CD3E: variants seen among roughly 807,000 people sequenced by gnomAD.
The protein encoded by CD3E is T-cell surface glycoprotein CD3 epsilon chain.
Under a neutral mutation model 34.7 loss-of-function variants are expected in CD3E, and 16 were observed. That is an observed-to-expected ratio of 0.46 (90% CI 0.31 to 0.70). The LOEUF (loss-of-function observed/expected upper bound fraction) is 0.70. Ranked by LOEUF, CD3E falls within the 30% of genes least tolerant of loss-of-function variation. The pLI is 0.05. For synonymous variants in CD3E, 70 were observed against 90.8 expected, an observed-to-expected ratio of 0.77 and a Z score of 1.30; for missense variants, 223 against 253.9, an observed-to-expected ratio of 0.88 and a Z score of 0.83.
chr11:118,315,685 C>T lies in CD3E; in HGVS notation c.*143C>T. On this transcript the variant is annotated 3_prime_UTR_variant, in exon 9 of 9. Coordinates refer to ENST00000361763, the MANE Select transcript of CD3E (RefSeq NM_000733.4). The stretch of plus-strand genomic sequence containing the variant: ...GTGAACTCGCGCCCTCCAGCCTGAT[C>T]CCCCGCTCCCTCCTCCCTGCCTTCT... The T allele has an allele frequency of 1.4e-6, 1 of 723,514 alleles. No homozygotes were observed. Among genetic ancestry groups the T allele is most frequent in the East Asian group, 2.7e-5 (1 of 37,172 alleles). The allele number at this position is 723,514 out of a possible 1,614,324, so 44.8% of individuals were successfully genotyped here.
intron 7 of CD3E, 63 bp downstream of exon 7, chr11:118,313,937 G>A (rs1591269612): frequency 3.2e-6 from 5 of 1,572,266 alleles, no homozygotes; most frequent in Admixed American, 3.5e-5. Flanking sequence ...CCTGGGCCAG[G>A]GTGGGTGGCA....
At chr11:118,309,576 A>AAAACAAAC (rs56791413) in intron 4 of CD3E, among the ~76,000 whole-genome samples, 47,399 of 151,388 alleles carry the variant, frequency 0.31, 7,733 homozygotes, top group East Asian at 0.52. Flanking sequence ...ACTCTGTCTC[A>AAAACAAAC]AAACAAACAA....
intron 4 of CD3E, among the ~76,000 whole-genome samples, chr11:118,311,888 G>A (rs1948137255): frequency 1.3e-5 from 2 of 152,192 alleles, no homozygotes; most frequent in Non-Finnish European, 2.9e-5. Flanking sequence ...AGCTTCAGTA[G>A]ATCTAGATCT....
intron 7 of CD3E, 116 bp from the exon 8 acceptor site, chr11:118,314,332 G>A (rs747239244): frequency 6.5e-5 from 53 of 809,724 alleles, no homozygotes; most frequent in Middle Eastern, 2.2e-4. Flanking sequence ...AAAAGGGAGC[G>A]GTAGAGGAGA....
intron 3 of CD3E, 124 bp downstream of exon 3, chr11:118,307,432 C>T (rs1204814792): frequency 1.3e-5 from 10 of 792,210 alleles, no homozygotes; most frequent in Admixed American, 2.4e-5. Context: ...GGAGTTTCTG[C>T]CATCTACCCC....
intron 4 of CD3E, among the ~76,000 whole-genome samples, chr11:118,311,611 A>T (rs1257160509): frequency 6.6e-6 from 1 of 152,032 alleles, no homozygotes; most frequent in Non-Finnish European, 1.5e-5. Flanking sequence ...ATTATGAGGG[A>T]CTCAGTTCTG....
At chr11:118,315,390 G>A in intron 8 of CD3E, 96 bp from the exon 9 acceptor site, 1 of 1,078,456 alleles carries the variant, frequency 9.3e-7, no homozygotes, top group Non-Finnish European at 1.4e-6. Context: ...CAAGTCCAAA[G>A]TTCTTCCCAC....
chr11:118,312,572 A>G, intron 5 of CD3E, 46 bp from the exon 6 acceptor site: 1 of 1,613,470 alleles, frequency 6.2e-7, no homozygotes, highest in Non-Finnish European at 8.5e-7. Flanking sequence ...TGCCTTTTCT[A>G]AAATTGTCCT....
rs530312764 is a variant in CD3E, at chr11:118,306,255, G to A, written c.50-1033G>A. On this transcript the variant is annotated intron_variant, in intron 2 of 8. Coordinates refer to ENST00000361763, the MANE Select transcript of CD3E (RefSeq NM_000733.4). ...TTACGCCTGTAAGCCCAGCATTTTGGGGGACCAAAGTGGGAAGATCACTTG... is the reference window on the plus strand; with the variant it reads ...TTACGCCTGTAAGCCCAGCATTTTGAGGGACCAAAGTGGGAAGATCACTTG... 2.0e-5 allele frequency among the ~76,000 whole-genome samples: 3 copies of A among 152,188 alleles called. No individual in the cohort carries two copies. The South Asian group carries it at 6.2e-4, about 32-fold the overall frequency.
chr11:118,305,066 T>TGCCACTA, intron 2 of CD3E, 65 bp downstream of exon 2: 13 of 1,392,832 alleles, frequency 9.3e-6, no homozygotes, highest in African/African-American at 1.4e-5. Context: ...CAGCCTTACC[T>TGCCACTA]GGCACTGCCT....
chr11:118,305,119 T>C, intron 2 of CD3E, 118 bp downstream of exon 2: 1 of 967,188 alleles, frequency 1.0e-6, no homozygotes, highest in East Asian at 2.4e-5. Context: ...AAGGAACTGT[T>C]TGTGCTATGT....
At chr11:118,307,330 T>C (rs935292070) in intron 3 of CD3E, 22 bp downstream of exon 3, 4 of 1,594,900 alleles carry the variant, frequency 2.5e-6, no homozygotes, top group Admixed American at 3.3e-5. Context: ...TTTCTTTCTT[T>C]CTTTTTTATG....
intron 2 of CD3E, 40 bp from the exon 3 acceptor site, chr11:118,307,248 A>G (rs1201673784): frequency 1.9e-6 from 3 of 1,560,524 alleles, no homozygotes; most frequent in Admixed American, 3.4e-5. Context: ...AGGTACCCAC[A>G]ACATTTACTA....
In CD3E at chr11:118,312,161, A is replaced by G. The variant is rs1396522987; in HGVS notation, c.94A>G (p.Thr32Ala). Residue 32 changes from threonine to alanine, a missense_variant, in exon 5 of 9, where the codon ACA becomes GCA. Thr to Ala is a moderately conservative substitution (Grantham distance 58, BLOSUM62 0). Coordinates refer to ENST00000361763, the MANE Select transcript of CD3E (RefSeq NM_000733.4). ...QDGNEEMGGI[T>A]QTPYKVSISG... ...CCTTTTTTCATTTTCAGGTGGTATT[A>G]CACAGACACGTGAGTTTATTGGTCT... is the stretch of plus-strand genomic sequence containing the variant. 3 of 1,611,984 alleles carry G rather than the reference A, an allele frequency of 1.9e-6. No homozygotes were observed. In the East Asian group the frequency reaches 6.7e-5, roughly 36 times the overall value.
At position 118,314,611 on chromosome 11, in the gene CD3E, C is replaced by T. The variant is rs898266470; in HGVS notation, c.567+117C>T. On this transcript the variant is annotated intron_variant, in intron 8 of 8. Transcript: ENST00000361763. ...ATGCCTCAAAGCCCCTCACTCAGGG[C>T]TTCCATTACAACCCTCTATGTGCCA... is the stretch of plus-strand genomic sequence containing the variant. The T allele has an allele frequency of 1.3e-5, 12 of 899,210 alleles. No homozygotes were observed. The Admixed American group carries it at 2.2e-4, about 16-fold the overall frequency. 55.7% of individuals were successfully genotyped at this position (899,210 alleles called of 1,614,324 possible).
At chr11:118,314,593 A>G in intron 8 of CD3E, 99 bp downstream of exon 8, 1 of 1,084,802 alleles carries the variant, frequency 9.2e-7, no homozygotes, top group Non-Finnish European at 1.4e-6. Context: ...CAGATGCCTC[A>G]AAGCCCCTCA....
Position 118,304,991 on chromosome 11 carries a change from C to CCT in CD3E, c.42_43dup (p.Leu15SerfsTer32). 1 of 1,613,896 alleles carries CCT rather than the reference C, an allele frequency of 6.2e-7. No individual in the cohort carries two copies. The highest frequency in any genetic ancestry group is 8.5e-7 in the Non-Finnish European group (1 of 1,179,764). On this transcript the variant is annotated frameshift_variant, in exon 2 of 9. Coordinates refer to ENST00000361763, the MANE Select transcript of CD3E (RefSeq NM_000733.4). LOFTEE classifies it high-confidence loss of function. ...CTCACTGGAGAGTTCTGGGCCTCTGCCTCTTATCAGGTGAGTAGGATGGAG... is the reference window on the plus strand; with the variant it reads ...CTCACTGGAGAGTTCTGGGCCTCTGCCTCTCTTATCAGGTGAGTAGGATGGAG...
At chr11:118,310,591 G>C (rs1414741027) in intron 4 of CD3E, among the ~76,000 whole-genome samples, 1 of 152,196 alleles carries the variant, frequency 6.6e-6, no homozygotes, top group African/African-American at 2.4e-5. Flanking sequence ...CATACGTGGA[G>C]CACATTTCTG....
chr11:118,315,715 T>A lies in CD3E; in HGVS notation c.*173T>A. ...GCTCCCTCCTCCCTGCCTTCTCTGC[T>A]GGTACCCAGTCCTAAAATATTGCTG... On this transcript the variant is annotated 3_prime_UTR_variant, in exon 9 of 9. Coordinates refer to ENST00000361763, the MANE Select transcript of CD3E (RefSeq NM_000733.4). The A allele has an allele frequency of 3.0e-6, 2 of 667,652 alleles. No homozygotes were observed. The highest frequency in any genetic ancestry group is 5.4e-6 in the Non-Finnish European group (2 of 367,978). The allele number at this position is 667,652 out of a possible 1,614,324, so 41.4% of individuals were successfully genotyped here. A position where few individuals can be genotyped will look rare whatever the true frequency, so the allele number is the denominator to read the frequency against.
Sources: gnomAD v4.1 joint callset for allele counts (sites outside exome capture counted in the v4.1 genomes callset) on GRCh38, gnomAD v4.1.1 for gene constraint, MANE v1.5 for transcripts, NCBI Gene and HGNC (gene_info 2026-07-23, HGNC 2026-07-21) for gene names.